The following VNN1 variants were observed in gnomAD, a reference collection of about 807,000 sequenced individuals.
VNN1 encodes pantetheinase.
In VNN1, 29 loss-of-function variants were observed where a neutral mutation model predicts 41.9. The observed-to-expected ratio is 0.69, with a 90% CI of 0.52 to 0.94. The LOEUF (loss-of-function observed/expected upper bound fraction) is 0.94. VNN1 is among the 40% of genes least tolerant of loss of function. The pLI, the probability that VNN1 is intolerant of heterozygous loss-of-function variation, is 0.00. For missense variants in VNN1, 637 were observed against 621.1 expected (o/e 1.03, Z -0.27); for synonymous variants, 233 against 224.4 (o/e 1.04, Z -0.34).
At chr6:132,713,223 C>T (rs928687813) in intron 1 of VNN1, among the ~76,000 whole-genome samples, 1 of 152,170 alleles carries the variant, frequency 6.6e-6, no homozygotes, top group South Asian at 2.1e-4. Flanking sequence ...CTGGTCTACA[C>T]CTAATCGATC....
In VNN1 at chr6:132,692,390, C is replaced by T; in HGVS notation, c.1021G>A (p.Glu341Lys). 6.2e-7 allele frequency: 1 copy of T among 1,614,114 alleles called. No homozygotes were observed. Among genetic ancestry groups the T allele is most frequent in the Non-Finnish European group, 8.5e-7 (1 of 1,180,012 alleles). Residue 341 changes from glutamate (E) to lysine (K), a missense_variant, in exon 5 of 7, where the codon GAA becomes AAA. Coordinates refer to ENST00000367928, the MANE Select transcript of VNN1 (RefSeq NM_004666.3). ...KEFKGTVFFD[E>K]FTFVKLTGVA... ...CCTGTGAGCTTCACAAAAGTGAATT[C>T]ATCGAAAAAGACAGTGCCTTTAAAT...
At chr6:132,709,259 C>T (rs893119967) in intron 2 of VNN1, among the ~76,000 whole-genome samples, 18 of 147,658 alleles carry the variant, frequency 1.2e-4, no homozygotes, top group African/African-American at 4.4e-4. Context: ...ACATTTATTA[C>T]CTCCCCACAC....
intron 2 of VNN1, among the ~76,000 whole-genome samples, chr6:132,696,407 G>C (rs73543029): frequency 0.038 from 5,821 of 152,238 alleles, 192 homozygotes; most frequent in South Asian, 0.098. Context: ...AGAAATAATG[G>C]CTGAAAACTT....
intron 2 of VNN1, chr6:132,698,848 G>T: frequency 4.5e-6 from 1 of 224,620 alleles, no homozygotes. Flanking sequence ...TGTTGGAACT[G>T]AAGTCTAGAT....
intron 2 of VNN1, among the ~76,000 whole-genome samples, chr6:132,696,011 C>A (rs1320302563): frequency 6.6e-6 from 1 of 152,108 alleles, no homozygotes; most frequent in Non-Finnish European, 1.5e-5. Flanking sequence ...CGAAAATCAT[C>A]CCTGAAAAGG....
chr6:132,697,567 C>T (rs2114354773), intron 2 of VNN1, among the ~76,000 whole-genome samples: 1 of 151,484 alleles, frequency 6.6e-6, no homozygotes, highest in South Asian at 2.1e-4. Flanking sequence ...TCCTCTATTG[C>T]ACAACTCTGA....
chr6:132,696,575 T>A (rs1778375078), intron 2 of VNN1, among the ~76,000 whole-genome samples: 1 of 151,910 alleles, frequency 6.6e-6, no homozygotes, highest in Non-Finnish European at 1.5e-5. Context: ...CAGAAGTGAC[T>A]CATACATACA....
chr6:132,703,339 A>T (rs973721059), intron 2 of VNN1, among the ~76,000 whole-genome samples: 1 of 151,234 alleles, frequency 6.6e-6, no homozygotes, highest in African/African-American at 2.4e-5. Flanking sequence ...AAAAATAATA[A>T]TTATAAAAGC....
chr6:132,685,723 T>C lies in VNN1; in HGVS notation c.1189-1218A>G, dbSNP rs137939237. 2.8e-3 allele frequency among the ~76,000 whole-genome samples: 429 copies of C among 152,258 alleles called. 2 individuals are homozygous for C. The highest frequency in any genetic ancestry group is 9.7e-3 in the African/African-American group (404 of 41,556). Reference sequence around the variant, plus strand: ...TCTATACCTAGAGCTAGGAGTAAAGTTGTGGCAGTCAAAGGAAAATAAATG... The same window carrying C: ...TCTATACCTAGAGCTAGGAGTAAAGCTGTGGCAGTCAAAGGAAAATAAATG... On this transcript the variant is annotated intron_variant, in intron 5 of 6. Coordinates refer to ENST00000367928, the MANE Select transcript of VNN1 (RefSeq NM_004666.3).
Position 132,711,865 on chromosome 6 carries a change from AG to A in VNN1, c.211-27del, listed in dbSNP as rs757749358. 24 of 1,610,722 alleles carry A rather than the reference AG, an allele frequency of 1.5e-5. No individual in the cohort carries two copies. The Admixed American group carries it at 2.0e-4, about 14-fold the overall frequency. ...CTGTTAAAAATGCAACTTAATCCAA[AG>A]GGGGGCCTGCAAGAGGAGCTGAGGA... On this transcript the variant is annotated intron_variant, in intron 1 of 6. Coordinates refer to ENST00000367928, the MANE Select transcript of VNN1 (RefSeq NM_004666.3).
At chr6:132,707,470 A>G (rs1778535772) in intron 2 of VNN1, among the ~76,000 whole-genome samples, 1 of 152,216 alleles carries the variant, frequency 6.6e-6, no homozygotes, top group Non-Finnish European at 1.5e-5. Flanking sequence ...GAAAATCAGT[A>G]TATAGAAAAG....
At position 132,683,097 on chromosome 6, in the gene VNN1, T is replaced by C. The variant is rs756026350; in HGVS notation, c.*43A>G. 6 of 1,540,878 alleles carry C rather than the reference T, an allele frequency of 3.9e-6. No homozygotes were observed. The highest frequency in any genetic ancestry group is 5.3e-6 in the Non-Finnish European group (6 of 1,139,546). The stretch of plus-strand genomic sequence containing the variant: ...CCAATCTTTCTTTTCTCATCCATCA[T>C]TTTTTAAATTATCCCAAATAAAAAA... On this transcript the variant is annotated 3_prime_UTR_variant, in exon 7 of 7. Transcript: ENST00000367928.
chr6:132,696,497 C>G (rs766046421), intron 2 of VNN1, among the ~76,000 whole-genome samples: 1 of 152,086 alleles, frequency 6.6e-6, no homozygotes, highest in Non-Finnish European at 1.5e-5. Context: ...AAGAGACTCA[C>G]ACTAAGACAC....
chr6:132,681,490 A>C lies in VNN1; in HGVS notation c.*1650T>G, dbSNP rs964208879. 6.6e-6 allele frequency: 1 copy of C among 152,190 alleles called. No individual in the cohort carries two copies. The highest frequency in any genetic ancestry group is 1.5e-5 in the Non-Finnish European group (1 of 68,044). The allele number at this position is 152,190 out of a possible 1,614,324, so 9.4% of individuals were successfully genotyped here. A position where few individuals can be genotyped will look rare whatever the true frequency, so the allele number is the denominator to read the frequency against. On this transcript the variant is annotated 3_prime_UTR_variant, in exon 7 of 7. Coordinates refer to ENST00000367928, the MANE Select transcript of VNN1 (RefSeq NM_004666.3). ...CCTCAGAAATGCTATAAGATAATAAATGTTTGTTGTTTTAAGATAATAGTT... is the reference window on the plus strand; with the variant it reads ...CCTCAGAAATGCTATAAGATAATAACTGTTTGTTGTTTTAAGATAATAGTT...
At chr6:132,688,501 C>A (rs996267679) in intron 5 of VNN1, among the ~76,000 whole-genome samples, 2 of 152,060 alleles carry the variant, frequency 1.3e-5, no homozygotes, top group South Asian at 4.1e-4. Context: ...CCACAACTCT[C>A]TTTAGGTAGA....
chr6:132,681,782 G>C lies in VNN1; in HGVS notation c.*1358C>G, dbSNP rs997272456. On this transcript the variant is annotated 3_prime_UTR_variant, in exon 7 of 7. Transcript: ENST00000367928. ...CAGTTAATGTCACCCAAAAGAACAA[G>C]GGATTTTACTCAAATATTTCTTGGA... The C allele has an allele frequency of 3.9e-5, 6 of 152,418 alleles. No individual in the cohort carries two copies. The highest frequency in any genetic ancestry group is 1.4e-4 in the African/African-American group (6 of 41,390). The allele number at this position is 152,418 out of a possible 1,614,324, so 9.4% of individuals were successfully genotyped here. A position where few individuals can be genotyped will look rare whatever the true frequency, so the allele number is the denominator to read the frequency against.
In VNN1 at chr6:132,684,549, G is replaced by A. The variant is rs764922824; in HGVS notation, c.1189-44C>T. 3 of 1,602,386 alleles carry A rather than the reference G, an allele frequency of 1.9e-6. No homozygotes were observed. In the African/African-American group the frequency reaches 4.0e-5, roughly 21 times the overall value. On this transcript the variant is annotated intron_variant, in intron 5 of 6. Transcript: ENST00000367928. ...CCAGTAAGTCATAAGAAAGTCATGT[G>A]GGATATGTGAATTTGCTTGATTTAA...
At chr6:132,684,565 C>A in intron 5 of VNN1, 60 bp from the exon 6 acceptor site, 1 of 1,580,926 alleles carries the variant, frequency 6.3e-7, no homozygotes, top group Middle Eastern at 1.7e-4. Flanking sequence ...TGTGAATTTG[C>A]TTGATTTAAT....
chr6:132,705,480 T>C (rs564685572), intron 2 of VNN1, among the ~76,000 whole-genome samples: 3 of 152,274 alleles, frequency 2.0e-5, no homozygotes, highest in Admixed American at 2.0e-4. Context: ...CATTCCTTCA[T>C]AATAAAAACC....
Sources: gnomAD v4.1 joint callset for allele counts (sites outside exome capture counted in the v4.1 genomes callset) on GRCh38, gnomAD v4.1.1 for gene constraint, MANE v1.5 for transcripts, NCBI Gene and HGNC (gene_info 2026-07-23, HGNC 2026-07-21) for gene names.